ZNF705G: variants seen among roughly 807,000 people sequenced by gnomAD.
The protein encoded by ZNF705G is zinc finger protein 705G, also known as putative zinc finger protein 705G.
ZNF705G carries 23 observed loss-of-function variants against 19.6 expected under a neutral mutation model. That is an observed-to-expected ratio of 1.17 (90% CI 0.84 to 1.66). The LOEUF (loss-of-function observed/expected upper bound fraction) is 1.66. ZNF705G is among the 40% of genes most tolerant of loss of function. The probability of loss-of-function intolerance (pLI) is 0.00; values close to 1 mark genes in which losing one functional copy is unlikely to be tolerated. For missense variants in ZNF705G, 457 were observed against 354.4 expected, an observed-to-expected ratio of 1.29 and a Z score of -2.32; for synonymous variants, 146 against 117.7, an observed-to-expected ratio of 1.24 and a Z score of -1.56.
In ZNF705G at chr8:7,381,071, G is replaced by A. The variant is rs548863526; in HGVS notation, c.-72+381C>T. On this transcript the variant is annotated intron_variant, in intron 2 of 6. Transcript: ENST00000400156. ...AAAAAAAACACAACACATCTTTGCC[G>A]TGATGTCTGGTAAACAGAAAGTGGT... Among the ~76,000 whole-genome samples the A allele has an allele frequency of 1.6e-3, 214 of 133,130 alleles. 11 individuals are homozygous for A. Among genetic ancestry groups the A allele is most frequent in the African/African-American group, 7.2e-3 (196 of 27,310 alleles). 87.3% of individuals were successfully genotyped at this position (133,130 alleles called of 152,430 possible).
chr8:7,364,793 G>T (rs1196770972), intron 2 of ZNF705G, among the ~76,000 whole-genome samples: 4 of 149,340 alleles, frequency 2.7e-5, no homozygotes, highest in Non-Finnish European at 5.9e-5. Context: ...AGTAACATAT[G>T]ACTCCATCTG....
chr8:7,370,464 G>A (rs12155897), intron 2 of ZNF705G, among the ~76,000 whole-genome samples: 5,403 of 148,878 alleles, frequency 0.036, 120 homozygotes, highest in Non-Finnish European at 0.056. Context: ...TGAGGTTGTG[G>A]AGAAAAGATA....
chr8:7,385,147 C>T (rs1199903947), intron 1 of ZNF705G, among the ~76,000 whole-genome samples: 1 of 148,182 alleles, frequency 6.7e-6, no homozygotes, highest in Non-Finnish European at 1.5e-5. Context: ...CTGAATTGCA[C>T]TTCCCTAACA....
At chr8:7,380,677 C>T (rs1367143803) in intron 2 of ZNF705G, among the ~76,000 whole-genome samples, 6 of 146,136 alleles carry the variant, frequency 4.1e-5, no homozygotes, top group Admixed American at 3.3e-4. Context: ...GCTACACATG[C>T]CTCCCAGGGT....
At chr8:7,379,205 G>A (rs576149218) in intron 2 of ZNF705G, among the ~76,000 whole-genome samples, 352 of 147,678 alleles carry the variant, frequency 2.4e-3, no homozygotes, top group Non-Finnish European at 3.9e-3. Flanking sequence ...TGGACTACTC[G>A]AAATCTCAAA....
In ZNF705G at chr8:7,361,830, C is replaced by A. The variant is rs543680577; in HGVS notation, c.13-594G>T. Among the ~76,000 whole-genome samples, 79 of 149,794 alleles carry A rather than the reference C, an allele frequency of 5.3e-4. No homozygotes were observed. The South Asian group carries it at 6.9e-3, about 13-fold the overall frequency. On this transcript the variant is annotated intron_variant, in intron 3 of 6. Coordinates refer to ENST00000400156, the MANE Select transcript of ZNF705G (RefSeq NM_001164457.3). ...AAAAGTTAGAAAGTAATGACCCAGA[C>A]TCCAGCATTCTTCAGAACTGAACAA... is the stretch of plus-strand genomic sequence containing the variant.
In ZNF705G at chr8:7,358,176, T is replaced by G; in HGVS notation, c.703A>C (p.Lys235Gln). 6 of 1,607,630 alleles carry G rather than the reference T, an allele frequency of 3.7e-6. No homozygotes were observed. The highest frequency in any genetic ancestry group is 5.1e-6 in the Non-Finnish European group (6 of 1,179,622). Residue 235 changes from lysine (K) to glutamine (Q), a missense_variant, in exon 7 of 7, where the codon AAA becomes CAA. By Grantham distance (53) the Lys-to-Gln change is moderately conservative. Coordinates refer to ENST00000400156, the MANE Select transcript of ZNF705G (RefSeq NM_001164457.3). ...QRPYKCHQYG[K>Q]VFIQSFNLQR... The stretch of plus-strand genomic sequence containing the variant: ...AGGTTAAAGGATTGAATAAAGACTT[T>G]CCCATATTGATGACACTTATATGGT...
Position 7,358,221 on chromosome 8 carries a change from T to G in ZNF705G, c.658A>C (p.Lys220Gln), listed in dbSNP as rs1431552093. The G allele has an allele frequency of 6.2e-7, 1 of 1,607,678 alleles. No homozygotes were observed. Among genetic ancestry groups the G allele is most frequent in the Admixed American group, 1.7e-5 (1 of 59,950 alleles). The change falls in exon 7 of 7, where the codon AAA becomes CAA. Residue 220 changes from lysine to glutamine, a missense_variant. Physicochemically the swap from Lys to Gln is moderately conservative, Grantham distance 53 (BLOSUM62 1). Coordinates refer to ENST00000400156, the MANE Select transcript of ZNF705G (RefSeq NM_001164457.3). ...TQCSHLRRHE[K>Q]THTGQRPYKC... ...TATGGTCTCTGTCCCGTGTGAGTTTTCTCGTGTCTTCTAAGGTGAGAACAC... is the reference window on the plus strand; with the variant it reads ...TATGGTCTCTGTCCCGTGTGAGTTTGCTCGTGTCTTCTAAGGTGAGAACAC...
At chr8:7,363,323 G>T (rs1489126859) in intron 2 of ZNF705G, among the ~76,000 whole-genome samples, 1 of 148,048 alleles carries the variant, frequency 6.8e-6, no homozygotes, top group Non-Finnish European at 1.5e-5. Flanking sequence ...AAAACACAGG[G>T]ATCCCTGACT....
At position 7,358,561 on chromosome 8, in the gene ZNF705G, C is replaced by A; in HGVS notation, c.319-1G>T. The A allele has an allele frequency of 6.2e-7, 1 of 1,607,298 alleles. No individual in the cohort carries two copies. The highest frequency in any genetic ancestry group is 8.5e-7 in the Non-Finnish European group (1 of 1,179,458). ...GATCCTCCAGAATGAGAGAGTTCTC[C>A]TTTGGGGCAAATATTAAAAGCTCTT... On this transcript the variant is annotated splice_acceptor_variant, in intron 6 of 6. Transcript: ENST00000400156. LOFTEE classifies it high-confidence loss of function.
At chr8:7,383,385 C>G (rs189120128) in intron 1 of ZNF705G, among the ~76,000 whole-genome samples, 1 of 146,528 alleles carries the variant, frequency 6.8e-6, no homozygotes, top group Non-Finnish European at 1.5e-5. Context: ...CTCTCTTCTT[C>G]TCTACACTGT....
rs1806676985 is a variant in ZNF705G, at chr8:7,362,965, T to C, written c.-19A>G. The C allele has an allele frequency of 6.3e-7, 1 of 1,590,868 alleles. No homozygotes were observed. The highest frequency in any genetic ancestry group is 1.1e-5 in the South Asian group (1 of 90,672). ...AATGCATTGTCAGGAACTCAGTTTC[T>C]CTCTGTCTTCCTCTGGATTTCCACT... On this transcript the variant is annotated 5_prime_UTR_variant, in exon 3 of 7. Coordinates refer to ENST00000400156, the MANE Select transcript of ZNF705G (RefSeq NM_001164457.3).
chr8:7,367,116 A>T (rs185146530), intron 2 of ZNF705G, among the ~76,000 whole-genome samples: 45 of 149,648 alleles, frequency 3.0e-4, no homozygotes, highest in Non-Finnish European at 5.1e-4. Context: ...TGAACACAGA[A>T]TATGAGAATG....
Position 7,380,952 on chromosome 8 carries a change from G to T in ZNF705G, c.-72+500C>A, listed in dbSNP as rs1807465823. ...GAATTGCTTGAGCCCAGGAGGCAGA[G>T]TTGCAGTGAGTTGAAATTGTGCCAC... is the stretch of plus-strand genomic sequence containing the variant. On this transcript the variant is annotated intron_variant, in intron 2 of 6. Transcript: ENST00000400156. 2.5e-5 allele frequency among the ~76,000 whole-genome samples: 3 copies of T among 122,218 alleles called. No individual in the cohort carries two copies. In the South Asian group the frequency reaches 8.2e-4, roughly 34 times the overall value. 80.2% of individuals were successfully genotyped at this position (122,218 alleles called of 152,430 possible).
chr8:7,376,537 C>T lies in ZNF705G; in HGVS notation c.-72+4915G>A, dbSNP rs1394779790. Among the ~76,000 whole-genome samples, 22 of 115,680 alleles carry T rather than the reference C, an allele frequency of 1.9e-4. 4 individuals are homozygous for T. The highest frequency in any genetic ancestry group is 3.8e-4 in the Admixed American group (4 of 10,430). The allele number at this position is 115,680 out of a possible 152,430, so 75.9% of individuals were successfully genotyped here. On this transcript the variant is annotated intron_variant, in intron 2 of 6. Coordinates refer to ENST00000400156, the MANE Select transcript of ZNF705G (RefSeq NM_001164457.3). ...CAGAGTGTGTGGCCTATCCCCAGAG[C>T]GGTGATATCTTAGGACATAAATGAA...
At position 7,384,403 on chromosome 8, in the gene ZNF705G, C is replaced by T. The variant is rs555564446; in HGVS notation, c.-222+1095G>A. ...AGTTTCAACCCCATCAAAAAGTGGGCAAAGGATGTGAACAGACATTTCTCA... is the reference window on the plus strand; with the variant it reads ...AGTTTCAACCCCATCAAAAAGTGGGTAAAGGATGTGAACAGACATTTCTCA... On this transcript the variant is annotated intron_variant, in intron 1 of 6. Coordinates refer to ENST00000400156, the MANE Select transcript of ZNF705G (RefSeq NM_001164457.3). Among the ~76,000 whole-genome samples the T allele has an allele frequency of 3.4e-5, 5 of 145,476 alleles. No homozygotes were observed. In the East Asian group the frequency reaches 9.7e-4, roughly 28 times the overall value.
At chr8:7,361,296 G>A in intron 3 of ZNF705G, 60 bp from the exon 4 acceptor site, 3 of 1,591,916 alleles carry the variant, frequency 1.9e-6, no homozygotes, top group South Asian at 1.1e-5. Context: ...TCCGGAAGAG[G>A]AAGGCTGAGA....
chr8:7,384,295 G>GAAA (rs1229171444), intron 1 of ZNF705G, among the ~76,000 whole-genome samples: 1 of 140,074 alleles, frequency 7.1e-6, no homozygotes, highest in Non-Finnish European at 1.5e-5. Flanking sequence ...TTTGTCTCAG[G>GAAA]AAAAAAAAAA....
intron 2 of ZNF705G, among the ~76,000 whole-genome samples, chr8:7,365,865 T>A (rs1255418124): frequency 6.7e-6 from 1 of 149,620 alleles, no homozygotes; most frequent in Non-Finnish European, 1.5e-5. Context: ...AACCATGTTC[T>A]CCAACAGATC....
Sources: gnomAD v4.1 joint callset for allele counts (sites outside exome capture counted in the v4.1 genomes callset) on GRCh38, gnomAD v4.1.1 for gene constraint, MANE v1.5 for transcripts, NCBI Gene and HGNC (gene_info 2026-07-23, HGNC 2026-07-21) for gene names.